The following PIK3C2A variants were observed in gnomAD, a reference collection of about 807,000 sequenced individuals.
PIK3C2A encodes phosphatidylinositol-4-phosphate 3-kinase catalytic subunit type 2 alpha, also known as phosphatidylinositol 4-phosphate 3-kinase C2 domain-containing subunit alpha.
PIK3C2A carries 97 observed loss-of-function variants against 204.5 expected under a neutral mutation model. That is an observed-to-expected ratio of 0.47 (90% confidence interval 0.40 to 0.56). The LOEUF is 0.56. Ranked by LOEUF, PIK3C2A falls within the 20% of genes least tolerant of loss-of-function variation. The probability of loss-of-function intolerance (pLI) is 0.00; values close to 1 mark genes in which losing one functional copy is unlikely to be tolerated. For synonymous variants in PIK3C2A, 653 were observed against 664.4 expected, an observed-to-expected ratio of 0.98 and a Z score of 0.26; for missense variants, 1,735 against 1,969.2, an observed-to-expected ratio of 0.88 and a Z score of 2.25.
chr11:17,157,609 G>T (rs1342607356), intron 2 of PIK3C2A, among the ~76,000 whole-genome samples: 1 of 152,224 alleles, frequency 6.6e-6, no homozygotes, highest in South Asian at 2.1e-4. Context: ...ACTTCTGCAG[G>T]ATTCTCAGTG....
At chr11:17,198,529 G>C (rs1218743813) in intron 1 of PIK3C2A, among the ~76,000 whole-genome samples, 1 of 152,106 alleles carries the variant, frequency 6.6e-6, no homozygotes, top group East Asian at 1.9e-4. Context: ...AAAATGCTTA[G>C]CATATAATAG....
At chr11:17,115,566 A>C (rs1174090012) in intron 19 of PIK3C2A, 1 of 151,674 alleles carries the variant, frequency 6.6e-6, no homozygotes, top group African/African-American at 2.4e-5. Context: ...AAAAAAAAAA[A>C]ACAAATATAG....
At chr11:17,166,993 T>A (rs1307576341) in intron 2 of PIK3C2A, among the ~76,000 whole-genome samples, 1 of 151,996 alleles carries the variant, frequency 6.6e-6, no homozygotes, top group Admixed American at 6.6e-5. Context: ...TTTTTTGAGA[T>A]AGAGTCTTGC....
Position 17,089,774 on chromosome 11 carries a change from A to T in PIK3C2A, c.5025T>A (p.Val1675=), listed in dbSNP as rs1401109031. The T allele has an allele frequency of 1.2e-6, 2 of 1,613,846 alleles. No homozygotes were observed. The highest frequency in any genetic ancestry group is 1.1e-5 in the South Asian group (1 of 91,052). Residue 1675 remains valine (V), a synonymous_variant, in exon 33 of 33, where the codon GTT becomes GTA. Coordinates refer to ENST00000691414, the MANE Select transcript of PIK3C2A (RefSeq NM_002645.4). ...TTGCCGCAGTCAGCTGATACCATTT[A>T]ACCGTCTCTTTGCTCAAGTTGAAAT... ...LKDFNLSKET[V]KWYQLTAATY... is the part of the protein sequence containing the mutation.
intron 1 of PIK3C2A, among the ~76,000 whole-genome samples, chr11:17,170,355 C>T (rs1202347320): frequency 2.0e-5 from 3 of 152,016 alleles, no homozygotes; most frequent in Non-Finnish European, 4.4e-5. Flanking sequence ...TAATAATCTT[C>T]CAGAAATATT....
intron 4 of PIK3C2A, among the ~76,000 whole-genome samples, chr11:17,149,703 ACT>A (rs1276918895): frequency 6.6e-6 from 1 of 151,396 alleles, no homozygotes; most frequent in Non-Finnish European, 1.5e-5. Flanking sequence ...GCAGAGTGAG[ACT>A]CTCTCTCAAA....
chr11:17,177,611 G>C (rs1250060748), intron 1 of PIK3C2A, among the ~76,000 whole-genome samples: 3 of 151,952 alleles, frequency 2.0e-5, no homozygotes, highest in Non-Finnish European at 4.4e-5. Flanking sequence ...TCTGTTAAAA[G>C]GAAAAACCCC....
intron 1 of PIK3C2A, among the ~76,000 whole-genome samples, chr11:17,171,209 C>T (rs544487856): frequency 6.6e-6 from 1 of 152,284 alleles, no homozygotes; most frequent in African/African-American, 2.4e-5. Context: ...AATTAGTACA[C>T]AAACTAAATG....
intron 14 of PIK3C2A, 22 bp from the exon 15 acceptor site, chr11:17,122,355 G>C: frequency 6.9e-7 from 1 of 1,459,156 alleles, no homozygotes; most frequent in Non-Finnish European, 9.5e-7. Flanking sequence ...AACAGAAATT[G>C]ATCAAATTAC....
In PIK3C2A at chr11:17,134,849, G is replaced by A. The variant is rs1849818532; in HGVS notation, c.2078C>T (p.Ala693Val). The change falls in exon 11 of 33, where the codon GCT (alanine) becomes GTT (valine). Residue 693 changes from alanine to valine, a missense_variant. This residue lies in a region of PIK3C2A where 567 missense variants were observed against 576.0 expected (regional missense o/e 0.98). Coordinates refer to ENST00000691414, the MANE Select transcript of PIK3C2A (RefSeq NM_002645.4). ...TEQLQFTIFAAHGISSNWVSN... is the reference protein window; with the variant it reads ...TEQLQFTIFAVHGISSNWVSN... ...TACCCAATTACTTGAAATTCCATGA[G>A]CAGCAAAAATAGTAAACTGGAGCTG... 2.5e-6 allele frequency: 4 copies of A among 1,613,934 alleles called. No homozygotes were observed. Among genetic ancestry groups the A allele is most frequent in the Non-Finnish European group, 2.5e-6 (3 of 1,179,872 alleles).
chr11:17,122,089 G>T, intron 15 of PIK3C2A, 99 bp downstream of exon 15: 2 of 661,552 alleles, frequency 3.0e-6, no homozygotes, highest in Non-Finnish European at 5.0e-6. Context: ...CAAGAAAGCT[G>T]ATAAATCATG....
At position 17,119,833 on chromosome 11, in the gene PIK3C2A, C is replaced by T; in HGVS notation, c.2799G>A (p.Gln933=). The change falls in exon 16 of 33, where the codon CAG becomes CAA. Residue 933 remains glutamine, a synonymous_variant. Transcript: ENST00000691414. ...NLAKTYSLLH[Q]WPALYPLIAL... ...CAATTAGTGGGTACAATGCAGGCCACTGGTGAAGCAATGAGTAAGTTTTGG... is the reference window on the plus strand; with the variant it reads ...CAATTAGTGGGTACAATGCAGGCCATTGGTGAAGCAATGAGTAAGTTTTGG... 6.2e-7 allele frequency: 1 copy of T among 1,606,068 alleles called. No individual in the cohort carries two copies. The highest frequency in any genetic ancestry group is 8.5e-7 in the Non-Finnish European group (1 of 1,176,936).
chr11:17,140,806 T>C (rs995024286), intron 8 of PIK3C2A, among the ~76,000 whole-genome samples: 4 of 152,208 alleles, frequency 2.6e-5, no homozygotes, highest in Non-Finnish European at 4.4e-5. Flanking sequence ...TTATGATATA[T>C]AAATTATACC....
chr11:17,171,275 T>C (rs574688806), intron 1 of PIK3C2A, among the ~76,000 whole-genome samples: 7 of 152,274 alleles, frequency 4.6e-5, no homozygotes, highest in African/African-American at 1.7e-4. Context: ...ATTAAATAAA[T>C]GGTACGTATT....
At chr11:17,167,071 C>A (rs1237738101) in intron 2 of PIK3C2A, among the ~76,000 whole-genome samples, 1 of 152,036 alleles carries the variant, frequency 6.6e-6, no homozygotes, top group Non-Finnish European at 1.5e-5. Flanking sequence ...CCTGGTCTCA[C>A]ACGATCCTCC....
Position 17,165,732 on chromosome 11 carries a change from G to A in PIK3C2A, c.1065+2945C>T, listed in dbSNP as rs146514568. Reference sequence around the variant, plus strand: ...AGAGGTTGCGGTGAGCTGAGATCACGCAATTGCACTCCAGCCTGGGCAACA... The same window carrying A: ...AGAGGTTGCGGTGAGCTGAGATCACACAATTGCACTCCAGCCTGGGCAACA... On this transcript the variant is annotated intron_variant, in intron 2 of 32. Coordinates refer to ENST00000691414, the MANE Select transcript of PIK3C2A (RefSeq NM_002645.4). Among the ~76,000 whole-genome samples the A allele has an allele frequency of 4.8e-3, 619 of 127,700 alleles. 3 individuals are homozygous for A. Among genetic ancestry groups the A allele is most frequent in the African/African-American group, 0.017 (566 of 32,910 alleles). The allele number at this position is 127,700 out of a possible 152,430, so 83.8% of individuals were successfully genotyped here. A position where few individuals can be genotyped will look rare whatever the true frequency, so the allele number is the denominator to read the frequency against.
At chr11:17,121,124 C>CTT (rs376478241) in intron 15 of PIK3C2A, among the ~76,000 whole-genome samples, 7 of 151,820 alleles carry the variant, frequency 4.6e-5, no homozygotes, top group African/African-American at 1.7e-4. Flanking sequence ...CTTTTCTTTT[C>CTT]TTTTCTTTTT....
At chr11:17,106,388 G>T (rs565536615) in intron 22 of PIK3C2A, among the ~76,000 whole-genome samples, 1 of 152,010 alleles carries the variant, frequency 6.6e-6, no homozygotes, top group Non-Finnish European at 1.5e-5. Context: ...CTCCAGCCTG[G>T]ACGACAGCGA....
intron 1 of PIK3C2A, among the ~76,000 whole-genome samples, chr11:17,192,263 T>A (rs1466584093): frequency 6.6e-6 from 1 of 152,228 alleles, no homozygotes; most frequent in Non-Finnish European, 1.5e-5. Flanking sequence ...AGTAAAGTTA[T>A]ATTCTCCAAG....
Sources: gnomAD v4.1 joint callset for allele counts (sites outside exome capture counted in the v4.1 genomes callset) on GRCh38, gnomAD v4.1.1 for gene constraint, gnomAD v4.1.1 regional missense constraint, MANE v1.5 for transcripts, NCBI Gene and HGNC (gene_info 2026-07-23, HGNC 2026-07-21) for gene names.